SDCCAG8: variants seen among roughly 807,000 people sequenced by gnomAD.
SDCCAG8 encodes the protein SHH signaling and ciliogenesis regulator SDCCAG8.
Under a neutral mutation model 101.8 loss-of-function variants are expected in SDCCAG8, and 74 were observed. That is an observed-to-expected ratio of 0.73 (90% confidence interval 0.60 to 0.88). The LOEUF is 0.88. Ranked by LOEUF, SDCCAG8 falls within the 40% of genes least tolerant of loss-of-function variation. The probability of loss-of-function intolerance (pLI) is 0.00; values close to 1 mark genes in which losing one functional copy is unlikely to be tolerated. For missense variants in SDCCAG8, 787 were observed against 822.6 expected (o/e 0.96, Z 0.53); for synonymous variants, 281 against 292.9 (o/e 0.96, Z 0.41).
chr1:243,449,616 A>G (rs188015231), intron 16 of SDCCAG8, among the ~76,000 whole-genome samples: 1 of 152,334 alleles, frequency 6.6e-6, no homozygotes, highest in East Asian at 1.9e-4. Flanking sequence ...CCACTTTAAA[A>G]TCATTATTTT....
chr1:243,256,301 C>G (rs2066669426), intron 1 of SDCCAG8, 61 bp downstream of exon 1: 1 of 1,425,286 alleles, frequency 7.0e-7, no homozygotes, highest in Non-Finnish European at 9.9e-7. Context: ...TGGGCGGGAG[C>G]AGACCAGGTG....
intron 13 of SDCCAG8, among the ~76,000 whole-genome samples, chr1:243,396,533 A>C (rs1300768151): frequency 2.0e-5 from 3 of 152,198 alleles, no homozygotes; most frequent in Admixed American, 1.3e-4. Flanking sequence ...TCAGTGTAAA[A>C]TTTCTTAATT....
chr1:243,345,953 G>A (rs2075678645), intron 12 of SDCCAG8, among the ~76,000 whole-genome samples: 1 of 152,176 alleles, frequency 6.6e-6, no homozygotes, highest in Non-Finnish European at 1.5e-5. Flanking sequence ...TATGTTTTTA[G>A]ATAGAGATGT....
chr1:243,431,544 A>C (rs2081765659), intron 16 of SDCCAG8, among the ~76,000 whole-genome samples: 1 of 152,170 alleles, frequency 6.6e-6, no homozygotes, highest in African/African-American at 2.4e-5. Flanking sequence ...GATGGTAAAG[A>C]TCATTCAAGT....
chr1:243,326,995 A>G (rs924842521), intron 9 of SDCCAG8, among the ~76,000 whole-genome samples: 1 of 152,230 alleles, frequency 6.6e-6, no homozygotes, highest in African/African-American at 2.4e-5. Context: ...GTCAACACAG[A>G]ATGACCACAG....
At chr1:243,470,653 CTG>C (rs947067521) in intron 16 of SDCCAG8, among the ~76,000 whole-genome samples, 2 of 152,030 alleles carry the variant, frequency 1.3e-5, no homozygotes, top group African/African-American at 4.8e-5. Flanking sequence ...TACAGCCGTG[CTG>C]TGCTTGCTAA....
chr1:243,480,364 ATGGATGG>A (rs1663266296), intron 16 of SDCCAG8, among the ~76,000 whole-genome samples: 1 of 61,718 alleles, frequency 1.6e-5, no homozygotes. Flanking sequence ...GGTGGGTGGG[ATGGATGG>A]ATGGGTGGAT....
chr1:243,362,280 T>C (rs1421162107), intron 12 of SDCCAG8, among the ~76,000 whole-genome samples: 9 of 151,590 alleles, frequency 5.9e-5, no homozygotes, highest in Non-Finnish European at 8.8e-5. Context: ...GATGGATAGG[T>C]GGGTGAAGAG....
chr1:243,323,110 G>A (rs1204852931), intron 9 of SDCCAG8, among the ~76,000 whole-genome samples: 1 of 151,422 alleles, frequency 6.6e-6, no homozygotes, highest in Admixed American at 6.6e-5. Flanking sequence ...ACTCCAGCCT[G>A]GCAGCAGAGT....
chr1:243,389,125 C>T (rs191406810), intron 13 of SDCCAG8, among the ~76,000 whole-genome samples: 2,067 of 150,706 alleles, frequency 0.014, 50 homozygotes, highest in African/African-American at 0.048. Context: ...CCAGCCTGGG[C>T]GACAGAGCGA....
chr1:243,261,788 T>A (rs966285941), intron 1 of SDCCAG8, among the ~76,000 whole-genome samples: 7 of 152,130 alleles, frequency 4.6e-5, no homozygotes, highest in African/African-American at 1.4e-4. Context: ...CATGAGGGGT[T>A]TTTTGCTGAT....
chr1:243,448,644 T>C (rs4658571), intron 16 of SDCCAG8, among the ~76,000 whole-genome samples: 6,152 of 152,288 alleles, frequency 0.04, 182 homozygotes, highest in South Asian at 0.13. Context: ...CAGGCTTCCT[T>C]AATGCCACTC....
Position 243,316,793 on chromosome 1 carries a change from G to A in SDCCAG8, c.968G>A (p.Arg323Lys), listed in dbSNP as rs576672580. 1.7e-5 allele frequency: 27 copies of A among 1,614,192 alleles called. 1 individual carries two copies. The Admixed American group carries it at 2.5e-4, about 15-fold the overall frequency. The change falls in exon 9 of 18, where the codon AGG (arginine) becomes AAG (lysine). Residue 323 changes from arginine to lysine, a missense_variant. Transcript: ENST00000366541. ...DDLMSALVSV[R>K]SSLADTQQRE... is the part of the protein sequence containing the mutation. The stretch of plus-strand genomic sequence containing the variant: ...TTGATGTCTGCACTAGTTTCCGTAA[G>A]GAGCAGCTTGGCAGATACGCAGCAA...
At chr1:243,491,381 G>A (rs934035351) in intron 17 of SDCCAG8, among the ~76,000 whole-genome samples, 15 of 152,136 alleles carry the variant, frequency 9.9e-5, no homozygotes, top group African/African-American at 3.4e-4. Flanking sequence ...TCTGATACTG[G>A]CCCATCTGGC....
chr1:243,424,770 A>AT (rs1302924595), intron 15 of SDCCAG8, among the ~76,000 whole-genome samples: 1 of 151,992 alleles, frequency 6.6e-6, no homozygotes, highest in Non-Finnish European at 1.5e-5. Context: ...TTTAAATGTG[A>AT]TTTTTTTATG....
At chr1:243,352,494 A>G (rs916368688) in intron 12 of SDCCAG8, among the ~76,000 whole-genome samples, 4 of 152,216 alleles carry the variant, frequency 2.6e-5, no homozygotes, top group African/African-American at 7.2e-5. Flanking sequence ...TCAGGTACCA[A>G]CTCTGCAGTT....
chr1:243,257,063 T>C (rs1262437943), intron 1 of SDCCAG8, among the ~76,000 whole-genome samples: 2 of 152,220 alleles, frequency 1.3e-5, no homozygotes, highest in African/African-American at 4.8e-5. Context: ...GATTCTGTTA[T>C]AATGGAAGTT....
intron 16 of SDCCAG8, among the ~76,000 whole-genome samples, chr1:243,475,555 C>G (rs975581943): frequency 5.3e-5 from 8 of 152,150 alleles, no homozygotes; most frequent in African/African-American, 1.4e-4. Flanking sequence ...ACCCCTCGTC[C>G]GCTCTCAGAT....
chr1:243,441,831 A>G (rs2082555986), intron 16 of SDCCAG8, among the ~76,000 whole-genome samples: 1 of 152,256 alleles, frequency 6.6e-6, no homozygotes, highest in Non-Finnish European at 1.5e-5. Context: ...ATGTTGTTAT[A>G]GAAAGAAATG....
Sources: gnomAD v4.1 joint callset for allele counts (sites outside exome capture counted in the v4.1 genomes callset) on GRCh38, gnomAD v4.1.1 for gene constraint, MANE v1.5 for transcripts, NCBI Gene and HGNC (gene_info 2026-07-23, HGNC 2026-07-21) for gene names.